ELMO1: variants seen among roughly 807,000 people sequenced by gnomAD.
ELMO1 encodes engulfment and cell motility 1.
Under a neutral mutation model 98.9 loss-of-function variants are expected in ELMO1, and 26 were observed. The ratio of observed to expected loss-of-function variants is 0.26; its 90% CI spans 0.19 to 0.36. The LOEUF (loss-of-function observed/expected upper bound fraction) is 0.36, where lower values mean the gene tolerates loss of function less well. Ranked by LOEUF, ELMO1 falls within the 10% of genes least tolerant of loss-of-function variation. ELMO1 has a pLI of 1.00. For missense variants in ELMO1, 627 were observed against 935.2 expected, an observed-to-expected ratio of 0.67 and a Z score of 4.30; for synonymous variants, 346 against 346.0, an observed-to-expected ratio of 1.00 and a Z score of 0.00.
At position 37,183,380 on chromosome 7, in the gene ELMO1, C is replaced by T. The variant is rs565916313; in HGVS notation, c.1086+28006G>A. 2.6e-5 allele frequency among the ~76,000 whole-genome samples: 4 copies of T among 152,274 alleles called. No homozygotes were observed. The South Asian group carries it at 8.3e-4, about 32-fold the overall frequency. On this transcript the variant is annotated intron_variant, in intron 13 of 21. Coordinates refer to ENST00000310758, the MANE Select transcript of ELMO1 (RefSeq NM_014800.11). ...AATTAGTGCCATTTTTTATACACTG[C>T]CCCTAAAGTATTTACAATAAGGATG...
Position 37,273,864 on chromosome 7 carries a change from C to A in ELMO1, c.193-1982G>T, listed in dbSNP as rs148508980. Among the ~76,000 whole-genome samples, 291 of 152,316 alleles carry A rather than the reference C, an allele frequency of 1.9e-3. 4 individuals are homozygous for A. The highest frequency in any genetic ancestry group is 2.7e-3 in the Non-Finnish European group (184 of 68,032). ...CAAAGACATATAAGATTGCTTGCTT[C>A]CTCAGCCAATTCTGACGATTTTTTG... is the stretch of plus-strand genomic sequence containing the variant. On this transcript the variant is annotated intron_variant, in intron 4 of 21. Coordinates refer to ENST00000310758, the MANE Select transcript of ELMO1 (RefSeq NM_014800.11).
chr7:37,170,943 T>G (rs1490184348), intron 13 of ELMO1, among the ~76,000 whole-genome samples: 3 of 152,150 alleles, frequency 2.0e-5, no homozygotes, highest in Non-Finnish European at 4.4e-5. Context: ...CCCAGAAACT[T>G]TGTAGAAGAT....
At chr7:37,373,120 A>T (rs1404969913) in intron 1 of ELMO1, among the ~76,000 whole-genome samples, 1 of 152,232 alleles carries the variant, frequency 6.6e-6, no homozygotes, top group East Asian at 1.9e-4. Flanking sequence ...TTCATGGTGC[A>T]GCAGGAGACG....
intron 16 of ELMO1, among the ~76,000 whole-genome samples, chr7:36,969,061 G>A (rs1789691635): frequency 6.6e-6 from 1 of 152,030 alleles, no homozygotes; most frequent in African/African-American, 2.4e-5. Flanking sequence ...TGTAAGTGAT[G>A]CATTTTTGAA....
intron 14 of ELMO1, among the ~76,000 whole-genome samples, chr7:37,121,313 G>A (rs189612177): frequency 7.9e-5 from 12 of 152,218 alleles, no homozygotes; most frequent in South Asian, 2.1e-4. Context: ...GGCTTCAGAC[G>A]ATCAAACTTC....
intron 1 of ELMO1, among the ~76,000 whole-genome samples, chr7:37,406,503 C>A (rs1803770931): frequency 6.6e-6 from 1 of 151,984 alleles, no homozygotes; most frequent in African/African-American, 2.4e-5. Context: ...GATCTCGGCT[C>A]ACTGCAAGCT....
At chr7:37,059,275 C>T in intron 15 of ELMO1, among the ~76,000 whole-genome samples, 1 of 152,206 alleles carries the variant, frequency 6.6e-6, no homozygotes, top group East Asian at 1.9e-4. Context: ...CAGCAAGTCA[C>T]AGCCCTTTGC....
At chr7:37,334,405 C>G (rs1800284484) in intron 2 of ELMO1, among the ~76,000 whole-genome samples, 1 of 152,118 alleles carries the variant, frequency 6.6e-6, no homozygotes, top group African/African-American at 2.4e-5. Flanking sequence ...AGGATTGCAC[C>G]ATCGCACTCC....
At chr7:37,213,577 G>C in intron 11 of ELMO1, 120 bp from the exon 12 acceptor site, 1 of 900,460 alleles carries the variant, frequency 1.1e-6, no homozygotes, top group Non-Finnish European at 1.6e-6. Context: ...GGAGAAGGAA[G>C]GTGAGGGCAC....
intron 14 of ELMO1, among the ~76,000 whole-genome samples, chr7:37,104,010 CAAAAAAAAAAAAAAAAAAA>C (rs35979251): frequency 1.5e-3 from 43 of 29,018 alleles, no homozygotes; most frequent in Admixed American, 3.7e-3. Flanking sequence ...GACTCCATCT[CAAAAAAAAAAAAAAAAAAA>C]AAAAAAAAAA....
At position 37,259,144 on chromosome 7, in the gene ELMO1, C is replaced by A. The variant is rs369174375; in HGVS notation, c.413+37G>T. ...ACAATATTCAAAACGCGGAGACACG[C>A]AGGACAGCTGTGGAAGTTAGGAAAA... On this transcript the variant is annotated intron_variant, in intron 6 of 21. Transcript: ENST00000310758. The A allele has an allele frequency of 1.3e-5, 21 of 1,581,512 alleles. No individual in the cohort carries two copies. In the East Asian group the frequency reaches 4.3e-4, roughly 32 times the overall value.
chr7:37,407,693 G>A (rs367949166), intron 1 of ELMO1, among the ~76,000 whole-genome samples: 1 of 152,172 alleles, frequency 6.6e-6, no homozygotes, highest in Non-Finnish European at 1.5e-5. Flanking sequence ...TTTGTGGACT[G>A]CAGGGGATTT....
chr7:37,293,024 G>C (rs1295731806), intron 4 of ELMO1, among the ~76,000 whole-genome samples: 1 of 44,730 alleles, frequency 2.2e-5, no homozygotes, highest in Non-Finnish European at 4.9e-5. Context: ...CCAGCCAGCC[G>C]CCCCGTCCGG....
At chr7:37,441,915 C>G (rs964262864) in intron 1 of ELMO1, among the ~76,000 whole-genome samples, 1 of 152,176 alleles carries the variant, frequency 6.6e-6, no homozygotes, top group African/African-American at 2.4e-5. Flanking sequence ...TAATACACCA[C>G]CTTAGACTCT....
intron 13 of ELMO1, among the ~76,000 whole-genome samples, chr7:37,200,046 C>A (rs1289373452): frequency 6.6e-6 from 1 of 152,136 alleles, no homozygotes; most frequent in Non-Finnish European, 1.5e-5. Flanking sequence ...CTAACCTTTT[C>A]TTTCCTACAT....
chr7:36,898,618 C>T (rs1318657032), intron 16 of ELMO1, among the ~76,000 whole-genome samples: 1 of 152,182 alleles, frequency 6.6e-6, no homozygotes, highest in Non-Finnish European at 1.5e-5. Context: ...CCTATGTCCC[C>T]TGCTCTCACT....
intron 16 of ELMO1, among the ~76,000 whole-genome samples, chr7:36,918,504 C>T (rs1784884818): frequency 6.6e-6 from 1 of 152,124 alleles, no homozygotes; most frequent in African/African-American, 2.4e-5. Flanking sequence ...CCAGGGGATT[C>T]ACAGAAAATT....
At chr7:36,918,079 G>GAGAACA (rs1287699789) in intron 16 of ELMO1, among the ~76,000 whole-genome samples, 4 of 152,236 alleles carry the variant, frequency 2.6e-5, no homozygotes, top group African/African-American at 9.6e-5. Context: ...TAGCATATTA[G>GAGAACA]GTGGTTCTCT....
intron 13 of ELMO1, among the ~76,000 whole-genome samples, chr7:37,158,624 GA>G (rs1201175973): frequency 4.6e-5 from 7 of 152,220 alleles, no homozygotes; most frequent in Admixed American, 4.6e-4. Context: ...ACACCAGTTA[GA>G]ATGGCGATCA....
Sources: allele counts gnomAD v4.1 joint callset (sites outside exome capture counted in the v4.1 genomes callset), GRCh38; gene constraint gnomAD v4.1.1; transcripts MANE v1.5; gene names NCBI Gene and HGNC (gene_info 2026-07-23, HGNC 2026-07-21).